CBLN2: variants seen among roughly 807,000 people sequenced by gnomAD.
CBLN2 encodes the protein cerebellin-2.
A neutral mutation model predicts 15.0 loss-of-function variants in CBLN2; 7 were observed. The ratio of observed to expected loss-of-function variants is 0.47; its 90% confidence interval spans 0.27 to 0.88. CBLN2 has a LOEUF of 0.88. Among genes scored for constraint, CBLN2 ranks in the 40% least tolerant of loss-of-function variants. The pLI is 0.14. For missense variants in CBLN2, 242 were observed against 304.5 expected, an observed-to-expected ratio of 0.79 and a Z score of 1.53; for synonymous variants, 149 against 135.2, an observed-to-expected ratio of 1.10 and a Z score of -0.71.
upstream of CBLN2, among the ~76,000 whole-genome samples, chr18:72,547,588 A>T (rs1039848518): frequency 2.6e-5 from 4 of 152,048 alleles, no homozygotes; most frequent in African/African-American, 9.7e-5. Flanking sequence ...TTAGTTTTAG[A>T]ATGAGCTACA....
chr18:72,599,987 G>A (rs2069537751), intron 1 of CBLN2, among the ~76,000 whole-genome samples: 2 of 152,150 alleles, frequency 1.3e-5, no homozygotes, highest in African/African-American at 4.8e-5. Flanking sequence ...TCCCTGAGAG[G>A]GACTTGACCT....
intron 1 of CBLN2, among the ~76,000 whole-genome samples, chr18:72,575,226 T>C (rs978618438): frequency 4.6e-5 from 7 of 152,136 alleles, no homozygotes; most frequent in Non-Finnish European, 7.3e-5. Flanking sequence ...TTGTTGCTGA[T>C]GGCAAAGTCA....
intron 1 of CBLN2, among the ~76,000 whole-genome samples, chr18:72,583,949 C>T (rs1206598417): frequency 6.6e-6 from 1 of 152,202 alleles, no homozygotes; most frequent in Non-Finnish European, 1.5e-5. Context: ...CTGCTAAACT[C>T]CTTGAATACA....
chr18:72,546,795 G>C (rs1047575547), upstream of CBLN2, among the ~76,000 whole-genome samples: 1 of 152,122 alleles, frequency 6.6e-6, no homozygotes, highest in Non-Finnish European at 1.5e-5. Flanking sequence ...TCTAATATTA[G>C]GGAAAAATGT....
chr18:72,540,330 C>G (rs987684946), intron 3 of CBLN2: 2 of 152,182 alleles, frequency 1.3e-5, no homozygotes, highest in Non-Finnish European at 2.9e-5. Flanking sequence ...GAAAAGCAGA[C>G]CTCAGCTCCT....
chr18:72,560,482 A>C (rs781381418), intron 1 of CBLN2, among the ~76,000 whole-genome samples: 31 of 152,126 alleles, frequency 2.0e-4, no homozygotes, highest in Non-Finnish European at 3.8e-4. Flanking sequence ...TTTTGGATCA[A>C]TTTTTCTTTG....
chr18:72,591,633 TTCCCCATG>T (rs2144930956), intron 1 of CBLN2, among the ~76,000 whole-genome samples: 1 of 152,134 alleles, frequency 6.6e-6, no homozygotes, highest in East Asian at 1.9e-4. Flanking sequence ...CCATCCTTAT[TTCCCCATG>T]TCCCCACTAC....
At chr18:72,614,892 T>G (rs868308599) in intron 1 of CBLN2, among the ~76,000 whole-genome samples, 2 of 151,338 alleles carry the variant, frequency 1.3e-5, no homozygotes, top group Middle Eastern at 3.5e-3. Context: ...AGACTTCATT[T>G]AAATTAACAT....
At chr18:72,542,909 C>CCACACACACACACACACACACA (rs56135302) in intron 2 of CBLN2, 1 of 131,652 alleles carries the variant, frequency 7.6e-6, no homozygotes, top group South Asian at 2.8e-4. Flanking sequence ...GGAAATGACA[C>CCACACACACACACACACACACA]CACACACACA....
intron 1 of CBLN2, among the ~76,000 whole-genome samples, chr18:72,636,928 A>G (rs2069816722): frequency 6.6e-6 from 1 of 151,862 alleles, no homozygotes; most frequent in South Asian, 2.1e-4. Flanking sequence ...TTTCAGTTTC[A>G]TGAGCTTCAG....
At chr18:72,599,957 G>T (rs984231221) in intron 1 of CBLN2, among the ~76,000 whole-genome samples, 4 of 152,204 alleles carry the variant, frequency 2.6e-5, no homozygotes, top group African/African-American at 9.7e-5. Context: ...GAAGCTTGGA[G>T]AGTGGGACTG....
chr18:72,621,487 A>ATTTTT, intron 1 of CBLN2, among the ~76,000 whole-genome samples: 1 of 152,190 alleles, frequency 6.6e-6, no homozygotes. Context: ...ATGTTTATAA[A>ATTTTT]TATTCTGTCT....
chr18:72,567,820 T>A (rs2069305701), intron 1 of CBLN2, among the ~76,000 whole-genome samples: 2 of 152,186 alleles, frequency 1.3e-5, no homozygotes, highest in Non-Finnish European at 2.9e-5. Context: ...GTTTAACAGA[T>A]CAAAAGGCCT....
chr18:72,576,711 A>C (rs2069369194), intron 1 of CBLN2, among the ~76,000 whole-genome samples: 1 of 152,036 alleles, frequency 6.6e-6, no homozygotes, highest in African/African-American at 2.4e-5. Flanking sequence ...AGAAAAATAA[A>C]TACTAAAGGG....
intron 1 of CBLN2, among the ~76,000 whole-genome samples, chr18:72,580,226 C>T (rs1349757728): frequency 6.6e-6 from 1 of 151,984 alleles, no homozygotes. Flanking sequence ...AAACTCAACT[C>T]TAAATATTAT....
At chr18:72,602,401 CT>C (rs1181745446) in intron 1 of CBLN2, among the ~76,000 whole-genome samples, 1 of 152,170 alleles carries the variant, frequency 6.6e-6, no homozygotes, top group Non-Finnish European at 1.5e-5. Flanking sequence ...ATTATTTTCA[CT>C]TTGTTTCAAC....
At chr18:72,560,421 G>C (rs895146883) in intron 1 of CBLN2, among the ~76,000 whole-genome samples, 2 of 152,222 alleles carry the variant, frequency 1.3e-5, no homozygotes, top group Non-Finnish European at 2.9e-5. Context: ...AGCCTTCAAA[G>C]CATGTTAAGA....
intron 1 of CBLN2, among the ~76,000 whole-genome samples, chr18:72,578,120 C>T (rs1231679669): frequency 1.3e-5 from 2 of 152,118 alleles, no homozygotes; most frequent in Admixed American, 1.3e-4. Flanking sequence ...GATTTTACTA[C>T]CCAGAGTATT....
intron 1 of CBLN2, among the ~76,000 whole-genome samples, chr18:72,626,691 C>T (rs1233392784): frequency 1.3e-5 from 2 of 152,108 alleles, no homozygotes; most frequent in African/African-American, 4.8e-5. Flanking sequence ...CAGAGTGAGA[C>T]TCTGCCTCAA....
Sources: allele counts gnomAD v4.1 joint callset (sites outside exome capture counted in the v4.1 genomes callset), GRCh38; gene constraint gnomAD v4.1.1; transcripts MANE v1.5; gene names NCBI Gene and HGNC (gene_info 2026-07-23, HGNC 2026-07-21).